Variants in PTPRN2 observed in about 807,000 individuals in gnomAD.
The protein encoded by PTPRN2 is protein tyrosine phosphatase receptor type N2.
A neutral mutation model predicts 118.8 loss-of-function variants in PTPRN2; 74 were observed. The observed-to-expected ratio is 0.62, with a 90% CI of 0.52 to 0.76. The LOEUF is 0.76. Among genes scored for constraint, PTPRN2 ranks in the 30% least tolerant of loss-of-function variants. The pLI, the probability that PTPRN2 is intolerant of heterozygous loss-of-function variation, is 0.00. For missense variants in PTPRN2, 1,481 were observed against 1,394.4 expected, an observed-to-expected ratio of 1.06 and a Z score of -0.99; for synonymous variants, 641 against 608.0, an observed-to-expected ratio of 1.05 and a Z score of -0.80.
At chr7:158,547,983 G>T (rs923053202) in intron 1 of PTPRN2, among the ~76,000 whole-genome samples, 4 of 152,206 alleles carry the variant, frequency 2.6e-5, no homozygotes, top group African/African-American at 9.7e-5. Flanking sequence ...CGACCCACAG[G>T]GGTGGCCGAG....
At chr7:157,727,391 C>T (rs1420040249) in intron 12 of PTPRN2, among the ~76,000 whole-genome samples, 2 of 152,252 alleles carry the variant, frequency 1.3e-5, no homozygotes, top group East Asian at 1.9e-4. Flanking sequence ...ACATACAGCA[C>T]AACACAGGGA....
chr7:158,473,932 A>G (rs1820053979), intron 2 of PTPRN2, among the ~76,000 whole-genome samples: 1 of 152,240 alleles, frequency 6.6e-6, no homozygotes, highest in Non-Finnish European at 1.5e-5. Context: ...TATCTAATTT[A>G]CTTAATGTCT....
At chr7:158,253,273 G>A (rs1347251110) in intron 3 of PTPRN2, among the ~76,000 whole-genome samples, 5 of 151,024 alleles carry the variant, frequency 3.3e-5, no homozygotes, top group Admixed American at 1.3e-4. Flanking sequence ...GACTGACCGG[G>A]GCCAGCACAG....
intron 3 of PTPRN2, among the ~76,000 whole-genome samples, chr7:158,234,525 A>G (rs1466752373): frequency 2.0e-5 from 3 of 151,804 alleles, no homozygotes; most frequent in Non-Finnish European, 4.4e-5. Flanking sequence ...TCATCAAATA[A>G]AAACATACAA....
At chr7:158,073,674 A>G (rs955592712) in intron 11 of PTPRN2, among the ~76,000 whole-genome samples, 4 of 151,228 alleles carry the variant, frequency 2.6e-5, no homozygotes, top group African/African-American at 4.9e-5. Flanking sequence ...TACCCTTTCT[A>G]TGCGGAGATG....
At chr7:158,440,675 G>T (rs1377342253) in intron 2 of PTPRN2, among the ~76,000 whole-genome samples, 1 of 148,414 alleles carries the variant, frequency 6.7e-6, no homozygotes, top group Non-Finnish European at 1.5e-5. Flanking sequence ...ATAGTGACAG[G>T]GTGGTGGTGG....
chr7:158,131,626 C>T (rs1818307911), intron 9 of PTPRN2, among the ~76,000 whole-genome samples: 2 of 151,732 alleles, frequency 1.3e-5, no homozygotes, highest in Non-Finnish European at 2.9e-5. Flanking sequence ...ATCTACCCGA[C>T]ATACACACTC....
rs1044017275 is a variant in PTPRN2 at position 158,526,685 on chromosome 7, G to A, written c.113-36900C>T. Among the ~76,000 whole-genome samples, 3 of 152,210 alleles carry A rather than the reference G, an allele frequency of 2.0e-5. No individual in the cohort carries two copies. Among genetic ancestry groups the A allele is most frequent in the South Asian group, 2.1e-4 (1 of 4,820 alleles). On this transcript the variant is annotated intron_variant, in intron 1 of 22. Coordinates refer to ENST00000389418, the MANE Select transcript of PTPRN2 (RefSeq NM_002847.5). The surrounding 1 kb of genome is among the most constrained non-coding windows in gnomAD (Gnocchi z 5.2). ...TAAAACGAGGTCGCCGGATGGGCCC[G>A]GATCCAGGCTGACTGGGTCCTTATG...
chr7:158,341,635 C>T (rs1429944258), intron 2 of PTPRN2, among the ~76,000 whole-genome samples: 1 of 49,054 alleles, frequency 2.0e-5, no homozygotes, highest in Non-Finnish European at 4.3e-5. Context: ...TAAGAGGTAA[C>T]ACATGCAGAC....
chr7:158,524,761 C>T (rs1175412518), intron 1 of PTPRN2, among the ~76,000 whole-genome samples: 1 of 152,192 alleles, frequency 6.6e-6, no homozygotes, highest in East Asian at 1.9e-4. Flanking sequence ...ACGCCAAAAT[C>T]TTCACACACT....
At chr7:157,828,527 C>T (rs575477287) in intron 12 of PTPRN2, among the ~76,000 whole-genome samples, 2 of 152,204 alleles carry the variant, frequency 1.3e-5, no homozygotes, top group East Asian at 1.9e-4. Context: ...CAGCAGCTCA[C>T]AGCAAGACCC....
chr7:157,735,870 C>A (rs934342079), intron 12 of PTPRN2, among the ~76,000 whole-genome samples: 1 of 152,158 alleles, frequency 6.6e-6, no homozygotes, highest in East Asian at 1.9e-4. Context: ...TCTGAATTCC[C>A]GGTGTGTTGA....
At chr7:157,928,255 C>T (rs777370220) in intron 11 of PTPRN2, among the ~76,000 whole-genome samples, 1 of 152,150 alleles carries the variant, frequency 6.6e-6, no homozygotes, top group Non-Finnish European at 1.5e-5. Flanking sequence ...ATGCTGCCCC[C>T]GGGACTAACT....
intron 11 of PTPRN2, among the ~76,000 whole-genome samples, chr7:158,060,468 G>A (rs79607386): frequency 0.02 from 3,008 of 151,976 alleles, 85 homozygotes; most frequent in African/African-American, 0.062. Flanking sequence ...CTCTGTCTGC[G>A]CATGGCCGCT....
chr7:157,983,426 G>GACGAAGAGGGGA lies in PTPRN2; in HGVS notation c.1724-84690_1724-84689insTCCCCTCTTCGT, dbSNP rs1803466523. 2.0e-5 allele frequency among the ~76,000 whole-genome samples: 3 copies of GACGAAGAGGGGA among 152,010 alleles called. 1 individual carries two copies. Among genetic ancestry groups the GACGAAGAGGGGA allele is most frequent in the Admixed American group, 1.3e-4 (2 of 15,264 alleles). On this transcript the variant is annotated intron_variant, in intron 11 of 22. Transcript: ENST00000389418. ...TCCCCCCTAAACCCCGAGTCATAGA[G>GACGAAGAGGGGA]ATGAGGAGGGGAATGCAGAGTGCGG...
At chr7:158,305,394 G>A (rs1020643071) in intron 3 of PTPRN2, among the ~76,000 whole-genome samples, 17 of 152,156 alleles carry the variant, frequency 1.1e-4, no homozygotes, top group African/African-American at 3.9e-4. Context: ...GAGAGAGGGA[G>A]GGAGGGAGAC....
intron 22 of PTPRN2, among the ~76,000 whole-genome samples, chr7:157,545,464 G>A (rs1234439587): frequency 2.0e-5 from 3 of 151,366 alleles, no homozygotes; most frequent in African/African-American, 7.3e-5. Context: ...GGTGTGCAGT[G>A]TCCCTGGCTG....
intron 3 of PTPRN2, among the ~76,000 whole-genome samples, chr7:158,233,281 A>G (rs1449162681): frequency 6.6e-6 from 1 of 152,250 alleles, no homozygotes; most frequent in African/African-American, 2.4e-5. Context: ...CCAACAGCAA[A>G]CAATCTAAAA....
At chr7:157,765,038 C>T (rs934139544) in intron 12 of PTPRN2, among the ~76,000 whole-genome samples, 1 of 144,344 alleles carries the variant, frequency 6.9e-6, no homozygotes, top group Non-Finnish European at 1.5e-5. Context: ...CCATCATGCA[C>T]TCATCCATCC....
Sources: allele counts gnomAD v4.1 joint callset (sites outside exome capture counted in the v4.1 genomes callset), GRCh38; gene constraint gnomAD v4.1.1; non-coding constraint Gnocchi (gnomAD v3.1); transcripts MANE v1.5; gene names NCBI Gene and HGNC (gene_info 2026-07-23, HGNC 2026-07-21).